Variants in RBFOX1 observed in about 807,000 individuals in gnomAD.
RBFOX1 encodes RNA binding protein fox-1 homolog 1.
Under a neutral mutation model 57.7 loss-of-function variants are expected in RBFOX1, and 8 were observed. The ratio of observed to expected loss-of-function variants is 0.14; its 90% CI spans 0.08 to 0.25. The LOEUF is 0.25. RBFOX1 is among the 10% of genes least tolerant of loss of function. The pLI is 1.00. For synonymous variants in RBFOX1, 326 were observed against 222.4 expected (o/e 1.47, Z -4.15); for missense variants, 611 against 548.5 (o/e 1.11, Z -1.14).
chr16:7,280,146 GT>G (rs1325856060), intron 4 of RBFOX1, among the ~76,000 whole-genome samples: 1 of 152,192 alleles, frequency 6.6e-6, no homozygotes. Context: ...CAGAGTCTTG[GT>G]TCTTTGCAAA....
At chr16:7,047,780 A>G (rs529835729) in intron 3 of RBFOX1, among the ~76,000 whole-genome samples, 1 of 103,606 alleles carries the variant, frequency 9.7e-6, no homozygotes, top group Non-Finnish European at 2.0e-5. Context: ...GTTGTTTAGA[A>G]TGGATACTTT....
At chr16:5,956,678 A>ATATTTTT (rs368096576) in intron 4 of RBFOX1, among the ~76,000 whole-genome samples, 1,218 of 116,380 alleles carry the variant, frequency 0.01, 31 homozygotes, top group African/African-American at 0.032. Flanking sequence ...ATATATATAT[A>ATATTTTT]TTTTTTTTGA....
chr16:5,698,704 T>C (rs1032469556), intron 3 of RBFOX1, among the ~76,000 whole-genome samples: 3 of 152,234 alleles, frequency 2.0e-5, no homozygotes, highest in African/African-American at 7.2e-5. Context: ...CCCAAATGTC[T>C]ATTAACTGAT....
intron 2 of RBFOX1, among the ~76,000 whole-genome samples, chr16:6,470,927 C>T (rs1408068085): frequency 6.6e-6 from 1 of 152,196 alleles, no homozygotes; most frequent in Non-Finnish European, 1.5e-5. Context: ...TGCAAACCCT[C>T]ATCATCTTTT....
chr16:6,334,279 G>A (rs1036418605), intron 2 of RBFOX1, among the ~76,000 whole-genome samples: 5 of 152,074 alleles, frequency 3.3e-5, no homozygotes, highest in African/African-American at 1.2e-4. Flanking sequence ...AGGCCAAGGT[G>A]GGCAGATTTC....
intron 3 of RBFOX1, among the ~76,000 whole-genome samples, chr16:6,761,962 C>T (rs762123394): frequency 1.3e-5 from 2 of 152,110 alleles, no homozygotes; most frequent in Non-Finnish European, 1.5e-5. Flanking sequence ...TGTTCAACCA[C>T]AGCCCACTTA....
At chr16:7,558,763 C>G (rs2089518673) in intron 5 of RBFOX1, among the ~76,000 whole-genome samples, 1 of 152,148 alleles carries the variant, frequency 6.6e-6, no homozygotes, top group African/African-American at 2.4e-5. Context: ...AAAGAGCATC[C>G]AACTGCTTCT....
At chr16:5,275,795 G>T (rs193253460) in intron 1 of RBFOX1, among the ~76,000 whole-genome samples, 31 of 152,274 alleles carry the variant, frequency 2.0e-4, no homozygotes, top group African/African-American at 7.2e-4. Flanking sequence ...TATATTACAA[G>T]GCTATAGTGA....
At chr16:6,839,996 C>G (rs928998980) in intron 3 of RBFOX1, among the ~76,000 whole-genome samples, 1 of 151,994 alleles carries the variant, frequency 6.6e-6, no homozygotes, top group African/African-American at 2.4e-5. Context: ...TTGGTATAAA[C>G]AAAATAATAT....
At chr16:5,506,421 C>T (rs945807421) in intron 2 of RBFOX1, among the ~76,000 whole-genome samples, 3 of 152,174 alleles carry the variant, frequency 2.0e-5, no homozygotes, top group East Asian at 3.9e-4. Context: ...TTGGTCTAGT[C>T]CCAGCCTTCC....
intron 3 of RBFOX1, among the ~76,000 whole-genome samples, chr16:6,761,562 C>T (rs1603615896): frequency 8.6e-6 from 1 of 115,906 alleles, no homozygotes; most frequent in Non-Finnish European, 1.6e-5. Context: ...GGCTGGAGTG[C>T]AGTGGTGCGA....
chr16:6,820,300 G>C (rs986762009), intron 3 of RBFOX1, among the ~76,000 whole-genome samples: 4 of 152,120 alleles, frequency 2.6e-5, no homozygotes, highest in African/African-American at 4.8e-5. Context: ...TATGAAAATA[G>C]ACTAATACGT....
intron 3 of RBFOX1, among the ~76,000 whole-genome samples, chr16:5,816,853 A>G (rs1381827570): frequency 1.3e-5 from 2 of 152,098 alleles, no homozygotes; most frequent in Non-Finnish European, 2.9e-5. Flanking sequence ...TGTTCTTTGT[A>G]TTATTTTATT....
intron 3 of RBFOX1, among the ~76,000 whole-genome samples, chr16:5,834,104 C>T (rs2056374448): frequency 6.6e-6 from 1 of 152,212 alleles, no homozygotes; most frequent in Admixed American, 6.5e-5. Flanking sequence ...TCTGTGAATT[C>T]TGCTTATTTT....
intron 4 of RBFOX1, among the ~76,000 whole-genome samples, chr16:7,462,228 A>G (rs1248418866): frequency 3.9e-5 from 6 of 152,230 alleles, no homozygotes; most frequent in African/African-American, 1.4e-4. Context: ...TGCTGTTTTA[A>G]TGGCTGCTGT....
chr16:5,855,757 G>A (rs1366393855), intron 3 of RBFOX1, among the ~76,000 whole-genome samples: 2 of 151,602 alleles, frequency 1.3e-5, no homozygotes, highest in Non-Finnish European at 2.9e-5. Context: ...CTATTTCTTT[G>A]GAATTTCCTT....
chr16:5,685,482 T>A (rs564843629), intron 3 of RBFOX1, among the ~76,000 whole-genome samples: 3 of 152,228 alleles, frequency 2.0e-5, no homozygotes, highest in Non-Finnish European at 4.4e-5. Flanking sequence ...TGTCCCAAGG[T>A]GTTCTTCTCT....
chr16:7,309,758 A>T (rs146723617), intron 4 of RBFOX1, among the ~76,000 whole-genome samples: 13 of 152,306 alleles, frequency 8.5e-5, no homozygotes, highest in Admixed American at 3.9e-4. Context: ...AGGGAACGAA[A>T]TTGCAGCATT....
intron 4 of RBFOX1, among the ~76,000 whole-genome samples, chr16:7,181,225 G>C (rs1198583925): frequency 6.6e-6 from 1 of 152,092 alleles, no homozygotes; most frequent in Non-Finnish European, 1.5e-5. Context: ...GTTAAATAGG[G>C]AAACTGCTAT....
Sources: gnomAD v4.1 joint callset for allele counts (sites outside exome capture counted in the v4.1 genomes callset) on GRCh38, gnomAD v4.1.1 for gene constraint, MANE v1.5 for transcripts, NCBI Gene and HGNC (gene_info 2026-07-23, HGNC 2026-07-21) for gene names.